The following TTC22 variants were observed in gnomAD, a reference collection of about 807,000 sequenced individuals.
The protein encoded by TTC22 is tetratricopeptide repeat protein 22.
Under a neutral mutation model 48.2 loss-of-function variants are expected in TTC22, and 42 were observed. The observed-to-expected ratio is 0.87, with a 90% CI of 0.68 to 1.13. The LOEUF is 1.13. Among genes scored for constraint, TTC22 ranks in the 50% most tolerant of loss-of-function variants. The pLI, the probability that TTC22 is intolerant of heterozygous loss-of-function variation, is 0.00. For synonymous variants in TTC22, 345 were observed against 365.5 expected, an observed-to-expected ratio of 0.94 and a Z score of 0.64; for missense variants, 784 against 807.0, an observed-to-expected ratio of 0.97 and a Z score of 0.34.
chr1:54,786,860 G>C, intron 4 of TTC22, 97 bp downstream of exon 4: 1 of 546,850 alleles, frequency 1.8e-6, no homozygotes, highest in Non-Finnish European at 3.1e-6. Flanking sequence ...CCACGCGGTG[G>C]GGGTTGATAC....
intron 1 of TTC22, among the ~76,000 whole-genome samples, chr1:54,795,067 C>T (rs778448262): frequency 3.3e-5 from 5 of 152,230 alleles, no homozygotes; most frequent in Admixed American, 1.3e-4. Context: ...TGCTCTTCCC[C>T]ACACCCAGCT....
chr1:54,800,551 G>A, intron 1 of TTC22, 46 bp downstream of exon 1: 2 of 1,397,976 alleles, frequency 1.4e-6, no homozygotes, highest in Non-Finnish European at 1.9e-6. Context: ...ACCATGGGAG[G>A]ACCACAGTCC....
chr1:54,787,043 C>A lies in TTC22; in HGVS notation c.772G>T (p.Glu258Ter). The A allele has an allele frequency of 6.5e-7, 1 of 1,545,768 alleles. No individual in the cohort carries two copies. Among genetic ancestry groups the A allele is most frequent in the Non-Finnish European group, 8.7e-7 (1 of 1,145,294 alleles). ...LAWCYLGMLL[E>*]RKDTFSTTPM... ...GTGGTGGAGAAGGTGTCCTTCCGCT[C>A]CAGCAGCATCCCGAGGTAGCACCAG... Residue 258 changes from glutamate to a stop codon, truncating the protein, a stop_gained, in exon 4 of 7, where the codon GAG (glutamate) becomes TAG (stop). Transcript: ENST00000371276. LOFTEE classifies it high-confidence loss of function.
chr1:54,786,949 G>T lies in TTC22; in HGVS notation c.858+8C>A. 6.9e-7 allele frequency: 1 copy of T among 1,447,910 alleles called. No homozygotes were observed. Among genetic ancestry groups the T allele is most frequent in the Non-Finnish European group, 9.3e-7 (1 of 1,072,810 alleles). 89.7% of individuals were successfully genotyped at this position (1,447,910 alleles called of 1,614,324 possible). The stretch of plus-strand genomic sequence containing the variant: ...GTTTAGAGGGTGGGTGTGGCTGGGG[G>T]CAAGTACCTTGCCGAAGCAGTCTAG... On this transcript the variant is annotated splice_region_variant and intron_variant, in intron 4 of 6. Transcript: ENST00000371276.
intron 5 of TTC22, chr1:54,784,954 G>T: frequency 3.5e-6 from 1 of 285,794 alleles, no homozygotes; most frequent in Non-Finnish European, 6.6e-6. Flanking sequence ...TCAAGAGACA[G>T]TGAGATAATT....
At chr1:54,787,373 C>T in intron 3 of TTC22, 3 of 561,700 alleles carry the variant, frequency 5.3e-6, no homozygotes, top group Non-Finnish European at 6.3e-6. Context: ...AGTCCCTGCT[C>T]TTGCTGTCTG....
intron 1 of TTC22, 114 bp downstream of exon 1, chr1:54,800,483 A>G (rs569017487): frequency 9.9e-7 from 1 of 1,008,664 alleles, no homozygotes; most frequent in Admixed American, 3.9e-5. Flanking sequence ...TTGGGAGGCC[A>G]AAAGACCATG....
Position 54,787,746 on chromosome 1 carries a change from CG to C in TTC22, c.703del (p.Arg235GlyfsTer4). 8 of 1,613,470 alleles carry C rather than the reference CG, an allele frequency of 5.0e-6. No homozygotes were observed. Among genetic ancestry groups the C allele is most frequent in the Non-Finnish European group, 6.8e-6 (8 of 1,179,774 alleles). On this transcript the variant is annotated frameshift_variant, in exon 3 of 7. Transcript: ENST00000371276. LOFTEE classifies it high-confidence loss of function. ...PAFNRTLALL[R>X]QVLKSEDPRH... is the part of the protein sequence containing the mutation. ...GGGGTCCTCGGACTTCAGCACTTGC[CG>C]GAGTAGGGCCAGCGTGCGGTTGAAG...
At chr1:54,788,929 G>A (rs934707617) in intron 1 of TTC22, among the ~76,000 whole-genome samples, 8 of 152,196 alleles carry the variant, frequency 5.3e-5, no homozygotes, top group East Asian at 1.9e-4. Flanking sequence ...TGACCCAAAC[G>A]CACTCACAAC....
intron 4 of TTC22, chr1:54,786,428 T>C: frequency 2.7e-6 from 1 of 366,748 alleles, no homozygotes; most frequent in Non-Finnish European, 5.0e-6. Context: ...GACCCCTCCT[T>C]CCCAGTGTAT....
intron 1 of TTC22, among the ~76,000 whole-genome samples, chr1:54,794,574 G>A (rs1372117265): frequency 6.6e-6 from 1 of 152,200 alleles, no homozygotes; most frequent in Non-Finnish European, 1.5e-5. Context: ...TCTAGATTCA[G>A]AGTCAGTTCC....
chr1:54,784,525 A>G, intron 5 of TTC22: 1 of 1,009,576 alleles, frequency 9.9e-7, no homozygotes, highest in Non-Finnish European at 1.2e-6. Flanking sequence ...TCTTGTGAAC[A>G]TTAAATCAGA....
At chr1:54,782,681 T>C (rs150143976) in intron 5 of TTC22, among the ~76,000 whole-genome samples, 1 of 152,308 alleles carries the variant, frequency 6.6e-6, no homozygotes, top group African/African-American at 2.4e-5. Context: ...TTCTGGTCCT[T>C]AGTTTCCCTG....
intron 1 of TTC22, chr1:54,793,196 A>G (rs540173512): frequency 6.6e-6 from 1 of 152,298 alleles, no homozygotes; most frequent in Admixed American, 6.5e-5. Flanking sequence ...AGGAGCTTAC[A>G]TTAGGCTGCT....
In TTC22 at chr1:54,781,038, T is replaced by C; in HGVS notation, c.*205A>G. 1 of 409,138 alleles carries C rather than the reference T, an allele frequency of 2.4e-6. No homozygotes were observed. Among genetic ancestry groups the C allele is most frequent in the Non-Finnish European group, 4.3e-6 (1 of 231,814 alleles). 25.3% of individuals were successfully genotyped at this position (409,138 alleles called of 1,614,324 possible). Reference sequence around the variant, plus strand: ...CACCTCTGCTCCCAGCCTCTTCTGCTCTCGGGAATCAGGCCTTCCAGTCTG... The same window carrying C: ...CACCTCTGCTCCCAGCCTCTTCTGCCCTCGGGAATCAGGCCTTCCAGTCTG... On this transcript the variant is annotated 3_prime_UTR_variant, in exon 7 of 7. Transcript: ENST00000371276.
At chr1:54,784,823 G>C in intron 5 of TTC22, 1 of 1,299,668 alleles carries the variant, frequency 7.7e-7, no homozygotes, top group South Asian at 1.2e-5. Context: ...GCTTCCTCAA[G>C]CACATGGGCT....
At chr1:54,793,722 A>G (rs182569862) in intron 1 of TTC22, among the ~76,000 whole-genome samples, 1 of 152,290 alleles carries the variant, frequency 6.6e-6, no homozygotes, top group East Asian at 1.9e-4. Flanking sequence ...TTGAACACTT[A>G]CTATGCACCA....
chr1:54,790,024 G>A (rs530556313), intron 1 of TTC22, among the ~76,000 whole-genome samples: 1 of 152,206 alleles, frequency 6.6e-6, no homozygotes, highest in Non-Finnish European at 1.5e-5. Flanking sequence ...GGGCCCCTGA[G>A]TACCAGGGTC....
rs868517844 is a variant in TTC22 at position 54,800,893 on chromosome 1, C to A, written c.271G>T (p.Glu91Ter). The change falls in exon 1 of 7, where the codon GAG (glutamate) becomes TAG (stop). Residue 91 changes from glutamate (E) to a stop codon, truncating the protein, a stop_gained. Transcript: ENST00000371276. LOFTEE classifies it high-confidence loss of function. ...TTGCCCGGGTGCTCGTGGGCCACCT[C>A]GAGGAAGCACTCGCGGGCCTCGTCC... ...ELDEARECFL[E>*]VAHEHPGNLN... The A allele has an allele frequency of 6.2e-7, 1 of 1,610,546 alleles. No homozygotes were observed. Among genetic ancestry groups the A allele is most frequent in the South Asian group, 1.1e-5 (1 of 90,872 alleles).
Sources: allele counts gnomAD v4.1 joint callset (sites outside exome capture counted in the v4.1 genomes callset), GRCh38; gene constraint gnomAD v4.1.1; transcripts MANE v1.5; gene names NCBI Gene and HGNC (gene_info 2026-07-23, HGNC 2026-07-21).